The following ZFHX3 variants were observed in gnomAD, a reference collection of about 807,000 sequenced individuals.
ZFHX3 encodes the protein zinc finger homeobox 3, also known as zinc finger homeobox protein 3.
A neutral mutation model predicts 279.1 loss-of-function variants in ZFHX3; 42 were observed. That is an observed-to-expected ratio of 0.15 (90% CI 0.12 to 0.19). The LOEUF (loss-of-function observed/expected upper bound fraction) is 0.19, where lower values mean the gene tolerates loss of function less well. Among genes scored for constraint, ZFHX3 ranks in the 10% least tolerant of loss-of-function variants. The pLI is 1.00. For synonymous variants in ZFHX3, 2,293 were observed against 1,957.8 expected (o/e 1.17, Z -4.52); for missense variants, 4,981 against 4,754.0 (o/e 1.05, Z -1.40).
rs571842443 is a variant in ZFHX3 at position 73,396,150 on chromosome 16, T to C, written c.-1291+59853A>G. ...GGAGTTAGAAAATGGAAAGACACAA[T>C]ATTCCCTGTTAGCCTCCCGGCGGGC... is the stretch of plus-strand genomic sequence containing the variant. On this transcript the variant is annotated intron_variant, in intron 3 of 17. Transcript: ENST00000641206. Among the ~76,000 whole-genome samples the C allele has an allele frequency of 3.2e-4, 48 of 152,310 alleles. 1 individual carries two copies. In the South Asian group the frequency reaches 5.2e-3, roughly 16 times the overall value.
At chr16:73,233,285 C>T (rs73597362) in intron 5 of ZFHX3, among the ~76,000 whole-genome samples, 2,267 of 151,934 alleles carry the variant, frequency 0.015, 72 homozygotes, top group African/African-American at 0.053. Flanking sequence ...GAAAGAGCTA[C>T]GGTATGCCAG....
At chr16:73,635,430 A>T (rs111471599) in intron 2 of ZFHX3, among the ~76,000 whole-genome samples, 56 of 152,318 alleles carry the variant, frequency 3.7e-4, no homozygotes, top group Non-Finnish European at 7.1e-4. Context: ...TTTGAAACAG[A>T]CAAACACACA....
chr16:73,168,211 T>TTTTATTTATTTCTTTC (rs71391499), intron 5 of ZFHX3, among the ~76,000 whole-genome samples: 1 of 95,222 alleles, frequency 1.1e-5, no homozygotes, highest in African/African-American at 4.0e-5. Flanking sequence ...GTTTCTTTTG[T>TTTTATTTATTTCTTTC]TTTCTTTCTT....
chr16:73,459,455 TG>T (rs2018434628), intron 2 of ZFHX3, among the ~76,000 whole-genome samples: 1 of 152,116 alleles, frequency 6.6e-6, no homozygotes, highest in Admixed American at 6.5e-5. Flanking sequence ...CTCCACCTCC[TG>T]GGTTCAAGCA....
intron 2 of ZFHX3, among the ~76,000 whole-genome samples, chr16:73,662,950 G>A (rs1325130899): frequency 6.6e-6 from 1 of 152,162 alleles, no homozygotes; most frequent in Non-Finnish European, 1.5e-5. Flanking sequence ...ATAAAGCAGT[G>A]AGAGATTTGT....
At chr16:73,438,121 C>T (rs569544397) in intron 3 of ZFHX3, among the ~76,000 whole-genome samples, 2 of 152,204 alleles carry the variant, frequency 1.3e-5, no homozygotes, top group Non-Finnish European at 2.9e-5. Flanking sequence ...AATTTTATGT[C>T]CAAGGCAGAG....
chr16:73,179,204 A>G (rs1274319869), intron 5 of ZFHX3, among the ~76,000 whole-genome samples: 1 of 152,120 alleles, frequency 6.6e-6, no homozygotes, highest in Non-Finnish European at 1.5e-5. Context: ...CTATACATTG[A>G]TTTTTACCAT....
In ZFHX3 at chr16:73,818,115, G is replaced by C. The variant is rs140389608; in HGVS notation, c.-1608+73536C>G. On this transcript the variant is annotated intron_variant, in intron 1 of 17. Transcript: ENST00000641206. ...GACCCAAACGGGTCAGGCTTGAAAT[G>C]CTGTAGTATATAAATCATTCTTTGC... Among the ~76,000 whole-genome samples the C allele has an allele frequency of 1.8e-3, 276 of 152,300 alleles. 2 individuals carry two copies. In the East Asian group the frequency reaches 0.022, roughly 12 times the overall value.
chr16:73,383,210 C>T (rs935575402), intron 3 of ZFHX3, among the ~76,000 whole-genome samples: 2 of 152,180 alleles, frequency 1.3e-5, no homozygotes, highest in African/African-American at 4.8e-5. Context: ...GTGGTCAAAA[C>T]GAAGTAACGA....
At chr16:73,034,485 G>C (rs947078314) in intron 1 of ZFHX3, among the ~76,000 whole-genome samples, 1 of 152,184 alleles carries the variant, frequency 6.6e-6, no homozygotes, top group Admixed American at 6.5e-5. Flanking sequence ...TGTGGTGCTA[G>C]AAATGACTGT....
At chr16:73,121,284 AG>A (rs553090639) in intron 7 of ZFHX3, among the ~76,000 whole-genome samples, 110 of 152,358 alleles carry the variant, frequency 7.2e-4, no homozygotes, top group African/African-American at 2.6e-3. Context: ...CACAATAAAA[AG>A]AATGTATAAT....
At chr16:73,574,588 G>A (rs920745727) in intron 2 of ZFHX3, among the ~76,000 whole-genome samples, 1 of 152,132 alleles carries the variant, frequency 6.6e-6, no homozygotes, top group Admixed American at 6.5e-5. Context: ...GGTTTGACTT[G>A]TGTGGTTTCT....
intron 8 of ZFHX3, among the ~76,000 whole-genome samples, chr16:73,069,632 A>T (rs1965799034): frequency 6.6e-6 from 1 of 152,216 alleles, no homozygotes; most frequent in Non-Finnish European, 1.5e-5. Context: ...TTGTCTCATT[A>T]TATTCATGAA....
At chr16:73,813,824 C>T (rs1052885531) in intron 1 of ZFHX3, 3 of 152,244 alleles carry the variant, frequency 2.0e-5, no homozygotes, top group Non-Finnish European at 2.9e-5. Flanking sequence ...CAGATCATGG[C>T]TATCAGATGG....
intron 1 of ZFHX3, among the ~76,000 whole-genome samples, chr16:72,990,712 G>A (rs1470282309): frequency 1.3e-5 from 2 of 152,200 alleles, no homozygotes; most frequent in African/African-American, 4.8e-5. Flanking sequence ...TGGGCGCAGT[G>A]GCTCATGCCT....
At chr16:73,874,781 C>T (rs1420094335) in intron 1 of ZFHX3, among the ~76,000 whole-genome samples, 1 of 152,120 alleles carries the variant, frequency 6.6e-6, no homozygotes, top group Non-Finnish European at 1.5e-5. Context: ...ATTATCCTGC[C>T]TTTCTGTTTA....
intron 2 of ZFHX3, among the ~76,000 whole-genome samples, chr16:73,655,474 T>C (rs1025935323): frequency 1.3e-5 from 2 of 152,262 alleles, no homozygotes; most frequent in East Asian, 1.9e-4. Context: ...TGCATTTCTA[T>C]ACATCAGCAA....
intron 2 of ZFHX3, among the ~76,000 whole-genome samples, chr16:73,496,401 C>T (rs1043129168): frequency 1.3e-5 from 2 of 152,126 alleles, no homozygotes; most frequent in African/African-American, 4.8e-5. Flanking sequence ...CATGGTGGTG[C>T]GTGCCTGTAA....
At chr16:73,029,681 C>G (rs532565261) in intron 1 of ZFHX3, among the ~76,000 whole-genome samples, 1 of 152,208 alleles carries the variant, frequency 6.6e-6, no homozygotes, top group African/African-American at 2.4e-5. Context: ...ACAAGGCCAT[C>G]GCCCAAGTGG....
Sources: allele counts gnomAD v4.1 joint callset (sites outside exome capture counted in the v4.1 genomes callset), GRCh38; gene constraint gnomAD v4.1.1; transcripts MANE v1.5; gene names NCBI Gene and HGNC (gene_info 2026-07-23, HGNC 2026-07-21).